The following TIPARP variants were observed in gnomAD, a reference collection of about 807,000 sequenced individuals.
TIPARP encodes the protein TCDD inducible poly(ADP-ribose) polymerase, also known as protein mono-ADP-ribosyltransferase TIPARP.
Under a neutral mutation model 56.5 loss-of-function variants are expected in TIPARP, and 12 were observed. The observed-to-expected ratio is 0.21, with a 90% confidence interval of 0.14 to 0.34. The LOEUF (loss-of-function observed/expected upper bound fraction) is 0.34, where lower values mean the gene tolerates loss of function less well. Ranked by LOEUF, TIPARP falls within the 10% of genes least tolerant of loss-of-function variation. The pLI, the probability that TIPARP is intolerant of heterozygous loss-of-function variation, is 1.00. For synonymous variants in TIPARP, 296 were observed against 265.7 expected, an observed-to-expected ratio of 1.11 and a Z score of -1.11; for missense variants, 604 against 781.6, an observed-to-expected ratio of 0.77 and a Z score of 2.71.
chr3:156,695,905 T>C lies in TIPARP; in HGVS notation c.1127T>C (p.Leu376Pro), dbSNP rs763107741. The C allele has an allele frequency of 1.2e-6, 2 of 1,604,224 alleles. No individual in the cohort carries two copies. Among genetic ancestry groups the C allele is most frequent in the African/African-American group, 2.7e-5 (2 of 72,826 alleles). ...RLIEEANSRG[L>P]KEVRFMMWNN... ...ATTGAAGAAGCCAACTCTCGGGGTC[T>C]GAAAGAGGTTCGATTTATGATGTGG... Residue 376 changes from leucine to proline, a missense_variant, in exon 4 of 6, where the codon CTG becomes CCG. Leu to Pro is a moderately conservative substitution (Grantham distance 98). Around this residue, in one of 4 missense-constraint regions of TIPARP, gnomAD observed 252 missense variants for 303.9 expected, o/e 0.83. Transcript: ENST00000295924.
At chr3:156,702,215 T>G (rs1313639446) in intron 4 of TIPARP, among the ~76,000 whole-genome samples, 3 of 152,030 alleles carry the variant, frequency 2.0e-5, no homozygotes, top group Non-Finnish European at 4.4e-5. Context: ...GAGTATGAAA[T>G]TAGAAACTAT....
chr3:156,688,490 C>CA lies in TIPARP; in HGVS notation c.918-5530_918-5529insA, dbSNP rs1259152745. ...GAATAAGTTTTATTGCCGCCCCCCC[C>CA]CGCAATAAGTAGCCCTGTGCTACTT... On this transcript the variant is annotated intron_variant, in intron 2 of 5. Transcript: ENST00000295924. 7.7e-4 allele frequency among the ~76,000 whole-genome samples: 115 copies of CA among 149,314 alleles called. 8 individuals are homozygous for CA. In the East Asian group the frequency reaches 0.015, roughly 19 times the overall value.
intron 2 of TIPARP, among the ~76,000 whole-genome samples, chr3:156,691,000 C>T (rs1278899491): frequency 1.3e-5 from 2 of 152,154 alleles, no homozygotes; most frequent in East Asian, 1.9e-4. Flanking sequence ...TGGACTTAAA[C>T]GTCCACAGTT....
intron 2 of TIPARP, among the ~76,000 whole-genome samples, chr3:156,692,633 T>C (rs1722604514): frequency 6.6e-6 from 1 of 152,162 alleles, no homozygotes; most frequent in African/African-American, 2.4e-5. Flanking sequence ...TCCATACTTT[T>C]TGGCTTCATC....
chr3:156,689,503 A>G (rs1186696329), intron 2 of TIPARP, among the ~76,000 whole-genome samples: 3 of 152,248 alleles, frequency 2.0e-5, no homozygotes, highest in African/African-American at 2.4e-5. Context: ...CCAAAAATAA[A>G]TAAGTAAATC....
At chr3:156,682,168 CAAG>C (rs749333101) in intron 2 of TIPARP, among the ~76,000 whole-genome samples, 1 of 152,180 alleles carries the variant, frequency 6.6e-6, no homozygotes, top group Non-Finnish European at 1.5e-5. Context: ...TTCCACCTGT[CAAG>C]AAGGGACACA....
chr3:156,682,046 T>G (rs1722321711), intron 2 of TIPARP, among the ~76,000 whole-genome samples: 1 of 152,174 alleles, frequency 6.6e-6, no homozygotes, highest in African/African-American at 2.4e-5. Flanking sequence ...GGAGTACTGT[T>G]GTGGATAATT....
At position 156,695,950 on chromosome 3, in the gene TIPARP, A is replaced by G. The variant is rs753513614; in HGVS notation, c.1172A>G (p.His391Arg). The part of the protein sequence containing the change: ...FMMWNNHYIL[H>R]NSFFRREIKR... ...ATGTGGAATAACCACTACATCCTCC[A>G]CAATTCATTCTTCAGGAGAGAGATA... The change falls in exon 4 of 6, where the codon CAC (histidine) becomes CGC (arginine). Residue 391 changes from histidine to arginine, a missense_variant. Physicochemically the swap from His to Arg is conservative, Grantham distance 29 (BLOSUM62 0). This residue lies in a region of TIPARP where 252 missense variants were observed against 303.9 expected (regional missense o/e 0.83). Transcript: ENST00000295924. 4.3e-6 allele frequency: 7 copies of G among 1,611,458 alleles called. No homozygotes were observed. Among genetic ancestry groups the G allele is most frequent in the Non-Finnish European group, 5.1e-6 (6 of 1,179,426 alleles).
At chr3:156,685,680 A>G (rs185090340) in intron 2 of TIPARP, among the ~76,000 whole-genome samples, 2 of 152,362 alleles carry the variant, frequency 1.3e-5, no homozygotes, top group East Asian at 3.9e-4. Context: ...TTATTACATT[A>G]GCTTTTCTTT....
chr3:156,695,890 C>A lies in TIPARP; in HGVS notation c.1112C>A (p.Ala371Asp). The A allele has an allele frequency of 6.5e-7, 1 of 1,541,372 alleles. No homozygotes were observed. The highest frequency in any genetic ancestry group is 2.5e-5 in the East Asian group (1 of 40,450). ...PESVIRLIEE[A>D]NSRGLKEVRF... ...TCTGTCATTCGATTGATTGAAGAAG[C>A]CAACTCTCGGGGTCTGAAAGAGGTT... is the stretch of plus-strand genomic sequence containing the variant. The change falls in exon 4 of 6, where the codon GCC becomes GAC. Residue 371 changes from alanine to aspartate, a missense_variant. By Grantham distance (126) the Ala-to-Asp change is moderately radical (BLOSUM62 -2). This residue lies in a region of TIPARP where 252 missense variants were observed against 303.9 expected (regional missense o/e 0.83). Coordinates refer to ENST00000295924, the MANE Select transcript of TIPARP (RefSeq NM_015508.5).
intron 2 of TIPARP, among the ~76,000 whole-genome samples, chr3:156,688,434 A>G (rs1413130189): frequency 6.6e-6 from 1 of 151,474 alleles, no homozygotes; most frequent in East Asian, 1.9e-4. Flanking sequence ...GGTGAGTATT[A>G]AAAGATGTTG....
intron 4 of TIPARP, among the ~76,000 whole-genome samples, chr3:156,701,178 G>A (rs139085427): frequency 4.4e-4 from 67 of 152,308 alleles, no homozygotes; most frequent in African/African-American, 1.6e-3. Context: ...TAATATCTTA[G>A]AATGGATAGG....
At position 156,703,573 on chromosome 3, in the gene TIPARP, C is replaced by G. The variant is rs1450634187; in HGVS notation, c.1397C>G (p.Pro466Arg). Residue 466 changes from proline to arginine, a missense_variant, in exon 5 of 6, where the codon CCT (proline) becomes CGT (arginine). Pro to Arg is a moderately radical substitution (Grantham distance 103). Around this residue, in one of 4 missense-constraint regions of TIPARP, gnomAD observed 252 missense variants for 303.9 expected, o/e 0.83. Transcript: ENST00000295924. ...MHPSQDFIQV[P>R]VSAEDKSYRI... ...CCATCTCAGGACTTCATCCAAGTCC[C>G]TGTTTCTGCAGAGGATAAAAGTTAT... The G allele has an allele frequency of 3.1e-6, 5 of 1,614,082 alleles. No individual in the cohort carries two copies. In the African/African-American group the frequency reaches 6.7e-5, roughly 22 times the overall value.
intron 1 of TIPARP, chr3:156,675,378 A>G (rs1423005498): frequency 6.6e-6 from 1 of 152,250 alleles, no homozygotes; most frequent in East Asian, 1.9e-4. Context: ...GACCCGTTGG[A>G]CGCTCCTCGG....
chr3:156,695,631 C>A (rs1722693984), intron 3 of TIPARP, among the ~76,000 whole-genome samples: 1 of 151,900 alleles, frequency 6.6e-6, no homozygotes, highest in Admixed American at 6.6e-5. Context: ...GTTCCCTGGG[C>A]CCCACATGTT....
At chr3:156,702,053 GGTGGTGGTGGTGGTGGTGGTT>G (rs1463918375) in intron 4 of TIPARP, among the ~76,000 whole-genome samples, 30 of 147,364 alleles carry the variant, frequency 2.0e-4, no homozygotes, top group South Asian at 1.1e-3. Context: ...TGGTGGTGGT[GGTGGTGGTGGTGGTGGTGGTT>G]GTGGTGGTGG....
intron 2 of TIPARP, among the ~76,000 whole-genome samples, chr3:156,680,816 A>C (rs1005593708): frequency 6.6e-6 from 1 of 152,164 alleles, no homozygotes; most frequent in Non-Finnish European, 1.5e-5. Flanking sequence ...TTGATTTCCA[A>C]ATCAGTTTTA....
chr3:156,696,025 A>C lies in TIPARP; in HGVS notation c.1247A>C (p.Gln416Pro). Residue 416 changes from glutamine (Q) to proline (P), a missense_variant and splice_region_variant, in exon 4 of 6, where the codon CAG (glutamine) becomes CCG (proline). By Grantham distance (76) the Gln-to-Pro change is moderately conservative. Transcript: ENST00000295924. ...RSCFILLPYL[Q>P]TLGGVPTQAP... ...TGTTTTATACTGCTTCCATATTTACAGTAAGTGTCGAGTATGAAGTTGCAA... is the reference window on the plus strand; with the variant it reads ...TGTTTTATACTGCTTCCATATTTACCGTAAGTGTCGAGTATGAAGTTGCAA... 6.2e-7 allele frequency: 1 copy of C among 1,605,134 alleles called. No homozygotes were observed. Among genetic ancestry groups the C allele is most frequent in the African/African-American group, 1.3e-5 (1 of 74,258 alleles).
At position 156,705,569 on chromosome 3, in the gene TIPARP, A is replaced by G. The variant is rs550229724; in HGVS notation, c.*438A>G. 9 of 158,264 alleles carry G rather than the reference A, an allele frequency of 5.7e-5. No individual in the cohort carries two copies. In the South Asian group the frequency reaches 1.6e-3, roughly 29 times the overall value. 9.8% of individuals were successfully genotyped at this position (158,264 alleles called of 1,614,324 possible). On this transcript the variant is annotated 3_prime_UTR_variant, in exon 6 of 6. Transcript: ENST00000295924. ...AAAACTTACTGGAACTAGTACTACC[A>G]TGCGTATTCCCTGTCCAAAGCATCA...
Sources: allele counts gnomAD v4.1 joint callset (sites outside exome capture counted in the v4.1 genomes callset), GRCh38; gene constraint gnomAD v4.1.1; regional missense constraint gnomAD v4.1.1; transcripts MANE v1.5; gene names NCBI Gene and HGNC (gene_info 2026-07-23, HGNC 2026-07-21).